Variants in BMP6 observed in about 807,000 individuals in gnomAD.
The protein encoded by BMP6 is VG-1-R.
A neutral mutation model predicts 54.1 loss-of-function variants in BMP6; 17 were observed. That is an observed-to-expected ratio of 0.31 (90% CI 0.22 to 0.47). The LOEUF (loss-of-function observed/expected upper bound fraction) is 0.47, where lower values mean the gene tolerates loss of function less well. BMP6 is among the 20% of genes least tolerant of loss of function. BMP6 has a pLI of 1.00. For missense variants in BMP6, 720 were observed against 690.4 expected, an observed-to-expected ratio of 1.04 and a Z score of -0.48; for synonymous variants, 328 against 291.2, an observed-to-expected ratio of 1.13 and a Z score of -1.28.
chr6:7,879,522 C>G (rs929199857), intron 5 of BMP6, among the ~76,000 whole-genome samples: 71 of 152,210 alleles, frequency 4.7e-4, no homozygotes, highest in Non-Finnish European at 8.8e-5. Context: ...TGGTTAACAT[C>G]TCCAATGGCT....
At chr6:7,809,615 C>G (rs1414350675) in intron 1 of BMP6, among the ~76,000 whole-genome samples, 1 of 152,188 alleles carries the variant, frequency 6.6e-6, no homozygotes, top group African/African-American at 2.4e-5. Context: ...CCAGGAGATA[C>G]TCCTGACCAT....
chr6:7,769,663 G>C (rs1485301938), intron 1 of BMP6, among the ~76,000 whole-genome samples: 3 of 152,150 alleles, frequency 2.0e-5, no homozygotes, highest in Non-Finnish European at 4.4e-5. Flanking sequence ...ATTTCAGGGG[G>C]AAGAAACAAT....
chr6:7,735,272 G>A (rs1761936689), intron 1 of BMP6, among the ~76,000 whole-genome samples: 1 of 152,218 alleles, frequency 6.6e-6, no homozygotes. Context: ...TCCTGTACGT[G>A]AACATGGGCT....
At position 7,814,129 on chromosome 6, in the gene BMP6, CCT is replaced by C. The variant is rs1021690676; in HGVS notation, c.665-31004_665-31003del. ...GCTCATTATGCCTGGGATCCCTCTG[CCT>C]CTCTCTTCTGTTACCAGCTAGAGAA... On this transcript the variant is annotated intron_variant, in intron 1 of 6. Transcript: ENST00000283147. Among the ~76,000 whole-genome samples, 79 of 152,340 alleles carry C rather than the reference CCT, an allele frequency of 5.2e-4. 1 individual carries two copies. Among genetic ancestry groups the C allele is most frequent in the Middle Eastern group, 3.4e-3 (1 of 294 alleles).
intron 4 of BMP6, among the ~76,000 whole-genome samples, chr6:7,876,383 T>C (rs1759615078): frequency 6.6e-6 from 1 of 152,244 alleles, no homozygotes; most frequent in Admixed American, 6.5e-5. Flanking sequence ...TTAAAGATGT[T>C]TGCCTTTCTT....
chr6:7,742,438 G>A (rs1442014703), intron 1 of BMP6, among the ~76,000 whole-genome samples: 1 of 152,184 alleles, frequency 6.6e-6, no homozygotes, highest in African/African-American at 2.4e-5. Flanking sequence ...AGGCTGGTAG[G>A]CTTGGCATAC....
chr6:7,730,112 A>G (rs1480738870), intron 1 of BMP6, among the ~76,000 whole-genome samples: 4 of 152,186 alleles, frequency 2.6e-5, no homozygotes, highest in African/African-American at 4.8e-5. Flanking sequence ...TTTGTAAAGT[A>G]TAGTCATATT....
At chr6:7,786,481 T>TTTTTA (rs1491377797) in intron 1 of BMP6, among the ~76,000 whole-genome samples, 1 of 107,456 alleles carries the variant, frequency 9.3e-6, no homozygotes, top group African/African-American at 3.5e-5. Context: ...TTTTTTTTTT[T>TTTTTA]AAATAAAATC....
rs987746259 is a variant in BMP6, at chr6:7,872,601, C to T, written c.1205-6473C>T. ...TCCAGAGAAGGTTCTCTTTGTTGAG[C>T]ATTGAGAGAGTCAAATCAACAGCAG... On this transcript the variant is annotated intron_variant, in intron 4 of 6. Coordinates refer to ENST00000283147, the MANE Select transcript of BMP6 (RefSeq NM_001718.6). 9.9e-5 allele frequency among the ~76,000 whole-genome samples: 15 copies of T among 152,108 alleles called. No individual in the cohort carries two copies. In the South Asian group the frequency reaches 1.0e-3, roughly 11 times the overall value.
intron 1 of BMP6, among the ~76,000 whole-genome samples, chr6:7,773,149 C>T (rs1006569894): frequency 6.6e-6 from 1 of 152,158 alleles, no homozygotes. Flanking sequence ...CCAACTGATG[C>T]CTGATGCTGT....
chr6:7,831,030 C>A (rs1377073337), intron 1 of BMP6, among the ~76,000 whole-genome samples: 1 of 152,154 alleles, frequency 6.6e-6, no homozygotes, highest in Admixed American at 6.5e-5. Context: ...TTCACAATAG[C>A]CAAAAGGTGG....
chr6:7,806,443 G>T (rs1254671099), intron 1 of BMP6, among the ~76,000 whole-genome samples: 1 of 152,194 alleles, frequency 6.6e-6, no homozygotes, highest in East Asian at 1.9e-4. Context: ...CTTCTAATGT[G>T]TAAATTGCTA....
intron 1 of BMP6, among the ~76,000 whole-genome samples, chr6:7,761,164 A>G (rs1456276443): frequency 1.3e-5 from 2 of 152,186 alleles, no homozygotes; most frequent in Non-Finnish European, 2.9e-5. Flanking sequence ...CTATCTTTGG[A>G]TTACTTATAC....
chr6:7,741,946 A>G (rs1757273283), intron 1 of BMP6, among the ~76,000 whole-genome samples: 1 of 152,228 alleles, frequency 6.6e-6, no homozygotes, highest in Non-Finnish European at 1.5e-5. Flanking sequence ...AGTGCCTAGC[A>G]TGGTGCCTTT....
intron 1 of BMP6, among the ~76,000 whole-genome samples, chr6:7,836,631 T>C (rs1167886118): frequency 6.6e-6 from 1 of 152,170 alleles, no homozygotes; most frequent in Non-Finnish European, 1.5e-5. Flanking sequence ...TTTAATTATT[T>C]ACAACACAAA....
intron 1 of BMP6, among the ~76,000 whole-genome samples, chr6:7,787,949 T>G (rs1268969060): frequency 6.6e-6 from 1 of 150,628 alleles, no homozygotes; most frequent in South Asian, 2.1e-4. Context: ...GTAGATTGAT[T>G]TTTTTTTTTA....
chr6:7,813,105 AAAAATATATATATATATATATATAT>A (rs1389001530), intron 1 of BMP6, among the ~76,000 whole-genome samples: 3 of 49,464 alleles, frequency 6.1e-5, no homozygotes, highest in Non-Finnish European at 1.0e-4. Flanking sequence ...AAAAAAAAAA[AAAAATATATATATATATATATATAT>A]ATATATATAT....
chr6:7,858,419 T>C (rs966023952), intron 2 of BMP6, among the ~76,000 whole-genome samples: 2 of 152,094 alleles, frequency 1.3e-5, no homozygotes, highest in African/African-American at 4.8e-5. Flanking sequence ...GTGCCTGTCC[T>C]GTGTATCTTA....
At chr6:7,776,773 C>G (rs566730715) in intron 1 of BMP6, among the ~76,000 whole-genome samples, 1 of 152,186 alleles carries the variant, frequency 6.6e-6, no homozygotes, top group Admixed American at 6.5e-5. Context: ...ACGTCAGTGC[C>G]CCAACCAGCT....
Sources: allele counts gnomAD v4.1 joint callset (sites outside exome capture counted in the v4.1 genomes callset), GRCh38; gene constraint gnomAD v4.1.1; transcripts MANE v1.5; gene names NCBI Gene and HGNC (gene_info 2026-07-23, HGNC 2026-07-21).